Variants in TEX15 observed in about 807,000 individuals in gnomAD.
TEX15 encodes testis expressed 15, meiosis and synapsis associated.
TEX15 carries 171 observed loss-of-function variants against 237.3 expected under a neutral mutation model. The observed-to-expected ratio is 0.72, with a 90% CI of 0.64 to 0.82. TEX15 has a LOEUF of 0.82. Among genes scored for constraint, TEX15 ranks in the 40% least tolerant of loss-of-function variants. The pLI, the probability that TEX15 is intolerant of heterozygous loss-of-function variation, is 0.00. For missense variants in TEX15, 3,750 were observed against 3,646.5 expected (o/e 1.03, Z -0.73); for synonymous variants, 1,338 against 1,269.8 (o/e 1.05, Z -1.14).
intron 1 of TEX15, among the ~76,000 whole-genome samples, chr8:30,911,908 C>T (rs73670561): frequency 0.1 from 15,909 of 152,160 alleles, 1,278 homozygotes; most frequent in African/African-American, 0.23. Context: ...TCTCTTCCTG[C>T]ACCCGCACCA....
intron 7 of TEX15, 42 bp downstream of exon 7, chr8:30,858,626 C>T (rs1807965758): frequency 1.4e-6 from 2 of 1,454,164 alleles, no homozygotes; most frequent in African/African-American, 1.4e-5. Flanking sequence ...ATTTTAAGAC[C>T]AGCACAAATA....
In TEX15 at chr8:30,847,988, G is replaced by A. The variant is rs199681524; in HGVS notation, c.2179C>T (p.His727Tyr). The A allele has an allele frequency of 1.1e-4, 174 of 1,613,746 alleles. 1 individual carries two copies. In the Admixed American group the frequency reaches 1.5e-3, roughly 14 times the overall value. The part of the protein sequence containing the change: ...FESLSQKHPQ[H>Y]SVEYEGNIHT... ...ATGTTACCCTCATACTCCACAGAGT[G>A]CTGAGGATGCTTTTGTGACAGGCTC... is the stretch of plus-strand genomic sequence containing the variant. Residue 727 changes from histidine to tyrosine, a missense_variant, in exon 8 of 11, where the codon CAC becomes TAC. Transcript: ENST00000643185.
At chr8:30,866,740 C>T (rs984019671) in intron 5 of TEX15, among the ~76,000 whole-genome samples, 3 of 151,884 alleles carry the variant, frequency 2.0e-5, no homozygotes, top group Admixed American at 1.3e-4. Flanking sequence ...CACACACACA[C>T]ACACGCATGC....
At chr8:30,902,936 T>C (rs1316247564) in intron 1 of TEX15, among the ~76,000 whole-genome samples, 1 of 152,226 alleles carries the variant, frequency 6.6e-6, no homozygotes, top group East Asian at 1.9e-4. Context: ...TTCATATTTA[T>C]TGCACAGACT....
intron 6 of TEX15, among the ~76,000 whole-genome samples, chr8:30,859,493 G>A (rs76387100): frequency 0.013 from 1,971 of 152,138 alleles, 45 homozygotes; most frequent in African/African-American, 0.045. Flanking sequence ...TGTATACAAT[G>A]AGGAGTAATT....
rs1807485140 is a variant in TEX15, at chr8:30,842,560, T to C, written c.7607A>G (p.Tyr2536Cys). ...CKYNEAVNCS[Y>C]AIHLLSRELQ... Reference sequence around the variant, plus strand: ...TTCTCTTGAGAGCAAATGAATAGCATATGAGCAATTAACAGCTTCATTATA... The same window carrying C: ...TTCTCTTGAGAGCAAATGAATAGCACATGAGCAATTAACAGCTTCATTATA... The change falls in exon 8 of 11, where the codon TAT becomes TGT. Residue 2536 changes from tyrosine (Y) to cysteine (C), a missense_variant. Coordinates refer to ENST00000643185, the MANE Select transcript of TEX15 (RefSeq NM_001350162.2). 1.2e-6 allele frequency: 2 copies of C among 1,610,728 alleles called. No homozygotes were observed. The highest frequency in any genetic ancestry group is 1.7e-6 in the Non-Finnish European group (2 of 1,179,568).
At chr8:30,835,516 G>C (rs1044418177) in intron 10 of TEX15, among the ~76,000 whole-genome samples, 1 of 152,182 alleles carries the variant, frequency 6.6e-6, no homozygotes, top group Non-Finnish European at 1.5e-5. Flanking sequence ...TGAGGTTTCA[G>C]TAAGCTATGA....
chr8:30,851,159 T>C (rs576272449), intron 7 of TEX15, among the ~76,000 whole-genome samples: 34 of 151,840 alleles, frequency 2.2e-4, no homozygotes, highest in Admixed American at 3.3e-4. Context: ...CAAAGTTCTA[T>C]GGACAAGGAT....
chr8:30,911,747 C>A (rs1585321726), intron 1 of TEX15, among the ~76,000 whole-genome samples: 1 of 152,160 alleles, frequency 6.6e-6, no homozygotes, highest in Non-Finnish European at 1.5e-5. Flanking sequence ...GGCACTGTCT[C>A]CCGACACAGC....
intron 2 of TEX15, among the ~76,000 whole-genome samples, chr8:30,898,005 C>T (rs1270869178): frequency 6.6e-6 from 1 of 152,046 alleles, no homozygotes; most frequent in Non-Finnish European, 1.5e-5. Flanking sequence ...AACAGTAATT[C>T]CAAACCTTGA....
In TEX15 at chr8:30,858,697, A is replaced by T. The variant is rs1210885393; in HGVS notation, c.821T>A (p.Phe274Tyr). The T allele has an allele frequency of 2.0e-6, 3 of 1,535,226 alleles. No individual in the cohort carries two copies. Among genetic ancestry groups the T allele is most frequent in the Non-Finnish European group, 2.6e-6 (3 of 1,146,550 alleles). The change falls in exon 7 of 11, where the codon TTC (phenylalanine) becomes TAC (tyrosine). Residue 274 changes from phenylalanine to tyrosine, a missense_variant. Transcript: ENST00000643185. ...TCTCTTAGGAAATCCTGTTGAGAGGAATCTCAAAGATGTCATAAGGCGTCC... is the reference window on the plus strand; with the variant it reads ...TCTCTTAGGAAATCCTGTTGAGAGGTATCTCAAAGATGTCATAAGGCGTCC... Reference protein sequence around the residue: ...DNGRLMTSLRFLSTGFPKRAE... With the variant: ...DNGRLMTSLRYLSTGFPKRAE...
At chr8:30,855,430 TAA>T (rs947438703) in intron 7 of TEX15, among the ~76,000 whole-genome samples, 1 of 152,124 alleles carries the variant, frequency 6.6e-6, no homozygotes, top group African/African-American at 2.4e-5. Context: ...ATGGCTATAA[TAA>T]AAAAGTCAAA....
At chr8:30,876,938 C>A (rs547700526) in intron 3 of TEX15, among the ~76,000 whole-genome samples, 2 of 152,008 alleles carry the variant, frequency 1.3e-5, no homozygotes, top group African/African-American at 2.4e-5. Flanking sequence ...TTATAAGGGG[C>A]CTTTCCCTCC....
intron 7 of TEX15, among the ~76,000 whole-genome samples, chr8:30,850,785 G>C (rs912065999): frequency 1.3e-5 from 2 of 151,640 alleles, no homozygotes; most frequent in Non-Finnish European, 2.9e-5. Context: ...CTGAAAATCA[G>C]AAAACATAAA....
chr8:30,835,603 T>C (rs1807273581), intron 10 of TEX15, among the ~76,000 whole-genome samples: 1 of 152,104 alleles, frequency 6.6e-6, no homozygotes, highest in Non-Finnish European at 1.5e-5. Context: ...TTTCTCCGTA[T>C]AAGATATTAA....
chr8:30,905,734 C>CAAAAAAAA (rs34079195), intron 1 of TEX15, among the ~76,000 whole-genome samples: 300 of 51,006 alleles, frequency 5.9e-3, no homozygotes, highest in East Asian at 0.012. Context: ...ACAAAAAATA[C>CAAAAAAAA]AAAAAAAAAA....
Position 30,846,774 on chromosome 8 carries a change from C to T in TEX15, c.3393G>A (p.Lys1131=), listed in dbSNP as rs1425018189. Residue 1131 remains lysine (K), a synonymous_variant, in exon 8 of 11, where the codon AAG becomes AAA. Transcript: ENST00000643185. ...TAGAGGAATAAAAATAGTTACTTTCCTTAGAATAATGCTGATCACTATTCT... is the reference window on the plus strand; with the variant it reads ...TAGAGGAATAAAAATAGTTACTTTCTTTAGAATAATGCTGATCACTATTCT... The part of the protein sequence containing the change: ...GRENSDQHYS[K]ESNYFYSSTQ... 1.9e-6 allele frequency: 3 copies of T among 1,613,592 alleles called. No individual in the cohort carries two copies. The highest frequency in any genetic ancestry group is 1.3e-5 in the African/African-American group (1 of 74,878).
At position 30,846,866 on chromosome 8, in the gene TEX15, T is replaced by A. The variant is rs1382664654; in HGVS notation, c.3301A>T (p.Ser1101Cys). Reference sequence around the variant, plus strand: ...TCAAGTGCTAACAGACCTTCCCAACTGATACGAGACTTCAGAGCCTTATAT... The same window carrying A: ...TCAAGTGCTAACAGACCTTCCCAACAGATACGAGACTTCAGAGCCTTATAT... ...TSYKALKSRI[S>C]WEGLLALDNG... Residue 1101 changes from serine (S) to cysteine (C), a missense_variant, in exon 8 of 11, where the codon AGT becomes TGT. Physicochemically the swap from Ser to Cys is moderately radical, Grantham distance 112. Transcript: ENST00000643185. 1 of 1,613,906 alleles carries A rather than the reference T, an allele frequency of 6.2e-7. No homozygotes were observed. The highest frequency in any genetic ancestry group is 1.7e-5 in the Admixed American group (1 of 59,998).
At position 30,858,685 on chromosome 8, in the gene TEX15, C is replaced by A; in HGVS notation, c.833G>T (p.Gly278Val). The stretch of plus-strand genomic sequence containing the variant: ...TATCTTACCAGCTCTCTTAGGAAAT[C>A]CTGTTGAGAGGAATCTCAAAGATGT... ...LMTSLRFLSTGFPKRAERTCS... is the reference protein window; with the variant it reads ...LMTSLRFLSTVFPKRAERTCS... The change falls in exon 7 of 11, where the codon GGA becomes GTA. Residue 278 changes from glycine (G) to valine (V), a missense_variant. Gly to Val is a moderately radical substitution (Grantham distance 109, BLOSUM62 -3). Transcript: ENST00000643185. 1 of 1,533,502 alleles carries A rather than the reference C, an allele frequency of 6.5e-7. No homozygotes were observed. The highest frequency in any genetic ancestry group is 8.7e-7 in the Non-Finnish European group (1 of 1,146,004). 95.0% of individuals were successfully genotyped at this position (1,533,502 alleles called of 1,614,324 possible).
Sources: allele counts gnomAD v4.1 joint callset (sites outside exome capture counted in the v4.1 genomes callset), GRCh38; gene constraint gnomAD v4.1.1; transcripts MANE v1.5; gene names NCBI Gene and HGNC (gene_info 2026-07-23, HGNC 2026-07-21).